The following GSDME variants were observed in gnomAD, a reference collection of about 807,000 sequenced individuals.
GSDME encodes gasdermin-E.
A neutral mutation model predicts 47.5 loss-of-function variants in GSDME; 44 were observed. The observed-to-expected ratio is 0.93, with a 90% CI of 0.73 to 1.19. The LOEUF is 1.19. Among genes scored for constraint, GSDME ranks in the 50% most tolerant of loss-of-function variants. The pLI is 0.00. For synonymous variants in GSDME, 258 were observed against 252.8 expected, an observed-to-expected ratio of 1.02 and a Z score of -0.20; for missense variants, 663 against 604.2, an observed-to-expected ratio of 1.10 and a Z score of -1.02.
At position 24,742,428 on chromosome 7, in the gene GSDME, GCA is replaced by G. The variant is rs1790521262; in HGVS notation, c.404+2132_404+2133del. Among the ~76,000 whole-genome samples the G allele has an allele frequency of 6.6e-6, 1 of 152,078 alleles. No individual in the cohort carries two copies. The highest frequency in any genetic ancestry group is 6.5e-5 in the Admixed American group (1 of 15,270). On this transcript the variant is annotated intron_variant, in intron 3 of 9. Coordinates refer to ENST00000645220, the MANE Select transcript of GSDME (RefSeq NM_001127453.2). The surrounding 1 kb of genome is among the most constrained non-coding windows in gnomAD (Gnocchi z 4.4). ...GGAGAGGCTACATATAAAGTGCCTG[GCA>G]CACAGTAGGTGCTCTGCGGATGCTC...
chr7:24,718,077 T>C (rs1385863027), intron 4 of GSDME, among the ~76,000 whole-genome samples: 1 of 152,244 alleles, frequency 6.6e-6, no homozygotes, highest in Non-Finnish European at 1.5e-5. Context: ...GCTGGCCTCC[T>C]GACTCTGAAA....
chr7:24,702,665 A>C (rs752748871), intron 9 of GSDME, 95 bp downstream of exon 9: 1 of 966,430 alleles, frequency 1.0e-6, no homozygotes, highest in Non-Finnish European at 1.7e-6. Flanking sequence ...TGTTGTGGTA[A>C]GTCCTAGAGG....
rs1788762032 is a variant in GSDME, at chr7:24,699,246, GAC to G, written c.1269_1270del (p.Ser424Ter). On this transcript the variant is annotated frameshift_variant, in exon 10 of 10. Transcript: ENST00000645220. LOFTEE classifies it low-confidence loss of function (END_TRUNC). ...TTCAAGATCAGATACTCCATCATCA[GAC>G]AGAGCACGAAGCTGAAATGACACAT... The G allele has an allele frequency of 6.2e-7, 1 of 1,611,026 alleles. No individual in the cohort carries two copies.
At chr7:24,741,921 C>T (rs1389153947) in intron 3 of GSDME, among the ~76,000 whole-genome samples, 3 of 152,180 alleles carry the variant, frequency 2.0e-5, no homozygotes, top group African/African-American at 4.8e-5. Flanking sequence ...CCCTGTCCTC[C>T]TAGCCGCCTA....
At chr7:24,703,249 G>T in intron 8 of GSDME, 1 of 333,550 alleles carries the variant, frequency 3.0e-6, no homozygotes, top group Non-Finnish European at 5.9e-6. Flanking sequence ...TACCATAGTT[G>T]TTTTGTTTTT....
chr7:24,786,338 T>C, the GSDME span, among the ~76,000 whole-genome samples: 8 of 152,208 alleles, frequency 5.3e-5, no homozygotes, highest in African/African-American at 9.6e-5. The surrounding 1 kb of genome is among the most constrained non-coding windows in gnomAD (Gnocchi z 5.5). Context: ...GGGAAAGGGA[T>C]ATTGGAATCA....
At chr7:24,718,958 G>GA in intron 4 of GSDME, 89 bp downstream of exon 4, 1 of 1,423,852 alleles carries the variant, frequency 7.0e-7, no homozygotes, top group African/African-American at 1.4e-5. Flanking sequence ...AAAGAGTCCT[G>GA]ACTAATGAAG....
At position 24,706,302 on chromosome 7, in the gene GSDME, G is replaced by A; in HGVS notation, c.1065C>T (p.Asp355=). The change falls in exon 8 of 10, where the codon GAC becomes GAT. Residue 355 remains aspartate, a synonymous_variant. Coordinates refer to ENST00000645220, the MANE Select transcript of GSDME (RefSeq NM_001127453.2). ...LGELKPRQQQ[D]LVAFLQLVGC... ...CCACCAGCTGCAGGAAGGCCACAAG[G>A]TCCTGCTGCTGCCGGGGCTTCAGCT... 5.6e-6 allele frequency: 9 copies of A among 1,614,042 alleles called. No individual in the cohort carries two copies. Among genetic ancestry groups the A allele is most frequent in the Non-Finnish European group, 7.6e-6 (9 of 1,180,018 alleles).
Position 24,719,170 on chromosome 7 carries a change from C to T in GSDME, c.453G>A (p.Arg151=). ...NPVLQQVLEG[R]NEVLCVLTQK... The stretch of plus-strand genomic sequence containing the variant: ...GTGTCAAAACGCACAGGACCTCATT[C>T]CTTCCTTCCAGCACCTGCTGGAGCA... The change falls in exon 4 of 10, where the codon AGG becomes AGA. Residue 151 remains arginine (R), a synonymous_variant. Transcript: ENST00000645220. 6.2e-7 allele frequency: 1 copy of T among 1,613,764 alleles called. No homozygotes were observed. Among genetic ancestry groups the T allele is most frequent in the Non-Finnish European group, 8.5e-7 (1 of 1,179,998 alleles).
chr7:24,766,475 C>T, the GSDME span, among the ~76,000 whole-genome samples: 2 of 152,012 alleles, frequency 1.3e-5, no homozygotes, highest in South Asian at 4.2e-4. This position sits in a 1 kb window ranked among gnomAD's most constrained non-coding sequence, Gnocchi z 4.2. Flanking sequence ...ACCGACAGGC[C>T]CCGGTGTGTG....
Position 24,708,117 on chromosome 7 carries a change from C to G in GSDME, c.990+10G>C. The G allele has an allele frequency of 1.9e-6, 3 of 1,614,140 alleles. No homozygotes were observed. The highest frequency in any genetic ancestry group is 1.7e-6 in the Non-Finnish European group (2 of 1,180,020). ...GTGAAAACACTGCCTTGAGATGTCT[C>G]AGGGCTCACCACTGGTTCCAGGACC... On this transcript the variant is annotated intron_variant, in intron 7 of 9. Transcript: ENST00000645220.
rs1229233135 is a variant in GSDME, at chr7:24,733,881, G to T, written c.404+10681C>A. 6.6e-6 allele frequency among the ~76,000 whole-genome samples: 1 copy of T among 152,222 alleles called. No individual in the cohort carries two copies. The highest frequency in any genetic ancestry group is 2.4e-5 in the African/African-American group (1 of 41,456). On this transcript the variant is annotated intron_variant, in intron 3 of 9. Transcript: ENST00000645220. The surrounding 1 kb of genome is among the most constrained non-coding windows in gnomAD (Gnocchi z 4.3). ...CTCATGTCTGAGGGGAAGGACACAA[G>T]CCTGGCTGGCTTTACCACCTGCTGA...
rs965642515 is a variant in GSDME at position 24,712,597 on chromosome 7, G to A, written c.698-2209C>T. On this transcript the variant is annotated intron_variant, in intron 5 of 9. Transcript: ENST00000645220. The surrounding 1 kb of genome is among the most constrained non-coding windows in gnomAD (Gnocchi z 4.4). ...CTACAACCAGGCCTTGACGATGAGTGTGGTAAGAGTGGGGACAGCGGTTGA... is the reference window on the plus strand; with the variant it reads ...CTACAACCAGGCCTTGACGATGAGTATGGTAAGAGTGGGGACAGCGGTTGA... Among the ~76,000 whole-genome samples the A allele has an allele frequency of 2.0e-5, 3 of 152,372 alleles. No homozygotes were observed. Among genetic ancestry groups the A allele is most frequent in the Admixed American group, 6.5e-5 (1 of 15,310 alleles).
At chr7:24,701,329 A>C (rs144801511) in intron 9 of GSDME, among the ~76,000 whole-genome samples, 133 of 152,348 alleles carry the variant, frequency 8.7e-4, no homozygotes, top group African/African-American at 2.9e-3. Flanking sequence ...GCAGAAGCAG[A>C]ATACCTTCCA....
chr7:24,741,576 G>A (rs1008586721), intron 3 of GSDME, among the ~76,000 whole-genome samples: 5 of 152,110 alleles, frequency 3.3e-5, no homozygotes, highest in Non-Finnish European at 5.9e-5. Flanking sequence ...ACATTTCATA[G>A]ACAATAAAGC....
At chr7:24,717,912 G>C (rs576613133) in intron 4 of GSDME, among the ~76,000 whole-genome samples, 1 of 152,302 alleles carries the variant, frequency 6.6e-6, no homozygotes, top group Non-Finnish European at 1.5e-5. Flanking sequence ...CCAAGCTCCT[G>C]CCTTTAAACA....
In GSDME at chr7:24,717,356, C is replaced by CA. The variant is rs2128052880; in HGVS notation, c.594dup (p.Gly199TrpfsTer25). ...ACGTTGGAGTCCTTGGTGACATTCC[C>CA]ATCCTCCGTCGCTGACACCTGTGGG... On this transcript the variant is annotated frameshift_variant, in exon 5 of 10. Transcript: ENST00000645220. LOFTEE classifies it high-confidence loss of function. 6.2e-7 allele frequency: 1 copy of CA among 1,614,168 alleles called. No homozygotes were observed. The highest frequency in any genetic ancestry group is 2.2e-5 in the East Asian group (1 of 44,876).
In GSDME at chr7:24,745,838, C is replaced by G. The variant is rs1790650818; in HGVS notation, c.212-1084G>C. Among the ~76,000 whole-genome samples the G allele has an allele frequency of 6.6e-6, 1 of 152,044 alleles. No individual in the cohort carries two copies. The highest frequency in any genetic ancestry group is 6.6e-5 in the Admixed American group (1 of 15,262). ...TGGGTGACAGAGCAACACCTTATCT[C>G]TAAGAAAATATAAAAATAATAACAA... is the stretch of plus-strand genomic sequence containing the variant. On this transcript the variant is annotated intron_variant, in intron 2 of 9. Transcript: ENST00000645220. This position sits in a 1 kb window ranked among gnomAD's most constrained non-coding sequence, Gnocchi z 4.4.
chr7:24,730,115 G>A (rs1790096382), intron 3 of GSDME, among the ~76,000 whole-genome samples: 1 of 152,188 alleles, frequency 6.6e-6, no homozygotes, highest in South Asian at 2.1e-4. Flanking sequence ...GCTCACTGGA[G>A]GGTTCAGAGA....
Sources: gnomAD v4.1 joint callset for allele counts (sites outside exome capture counted in the v4.1 genomes callset) on GRCh38, gnomAD v4.1.1 for gene constraint, Gnocchi (gnomAD v3.1) non-coding constraint, MANE v1.5 for transcripts, NCBI Gene and HGNC (gene_info 2026-07-23, HGNC 2026-07-21) for gene names.